The following MACF1 variants were observed in gnomAD, a reference collection of about 807,000 sequenced individuals.
MACF1 encodes the protein microtubule-actin cross-linking factor 1.
In MACF1, 193 loss-of-function variants were observed where a neutral mutation model predicts 854.8. The ratio of observed to expected loss-of-function variants is 0.23; its 90% CI spans 0.20 to 0.25. MACF1 has a LOEUF of 0.25. Ranked by LOEUF, MACF1 falls within the 10% of genes least tolerant of loss-of-function variation. MACF1 has a pLI of 1.00. For missense variants in MACF1, 7,722 were observed against 8,929.1 expected (o/e 0.86, Z 5.45); for synonymous variants, 3,185 against 3,226.7 (o/e 0.99, Z 0.44).
At chr1:39,181,166 C>T (rs542226865) in intron 2 of MACF1, among the ~76,000 whole-genome samples, 2 of 152,330 alleles carry the variant, frequency 1.3e-5, no homozygotes, top group South Asian at 4.1e-4. Flanking sequence ...CCTTGGCCTT[C>T]CAAAGTGCTG....
Position 39,388,642 on chromosome 1 carries a change from A to C in MACF1, c.15800A>C (p.Gln5267Pro). ...ACCGAAGTGGAAATCATCAACCAAC[A>C]ATTAGCAGATTTTAAAGTAAGTCTG... ...VGTEVEIINQ[Q>P]LADFKMFQKE... The change falls in exon 58 of 101, where the codon CAA (glutamine) becomes CCA (proline). Residue 5267 changes from glutamine to proline, a missense_variant. By Grantham distance (76) the Gln-to-Pro change is moderately conservative. Around this residue, in one of 15 missense-constraint regions of MACF1, gnomAD observed 2,807 missense variants for 3,235.8 expected, o/e 0.87. Coordinates refer to ENST00000564288, the MANE Select transcript of MACF1 (RefSeq NM_001394062.1). The C allele has an allele frequency of 6.4e-7, 1 of 1,570,774 alleles. No homozygotes were observed. The highest frequency in any genetic ancestry group is 8.6e-7 in the Non-Finnish European group (1 of 1,161,590).
At chr1:39,148,494 T>C (rs1426225996) in intron 2 of MACF1, among the ~76,000 whole-genome samples, 6 of 152,206 alleles carry the variant, frequency 3.9e-5, no homozygotes, top group Non-Finnish European at 8.8e-5. Flanking sequence ...GCTGTAAATA[T>C]TTTGATGTTT....
At position 39,322,944 on chromosome 1, in the gene MACF1, T is replaced by C. The variant is rs765335979; in HGVS notation, c.4172T>C (p.Val1391Ala). 1.3e-5 allele frequency: 21 copies of C among 1,614,038 alleles called. No homozygotes were observed. The African/African-American group carries it at 2.7e-4, about 21-fold the overall frequency. ...MDLRTRYTAL[V>A]TLTTQHVKYI... Reference sequence around the variant, plus strand: ...TTAAGGACTCGCTACACGGCATTGGTGACTTTAACAACTCAGCACGTGAAA... The same window carrying C: ...TTAAGGACTCGCTACACGGCATTGGCGACTTTAACAACTCAGCACGTGAAA... Residue 1391 changes from valine to alanine, a missense_variant, in exon 33 of 101, where the codon GTG becomes GCG. Around this residue, in one of 15 missense-constraint regions of MACF1, gnomAD observed 1,137 missense variants for 1,263.0 expected, o/e 0.90. Transcript: ENST00000564288.
Position 39,145,205 on chromosome 1 carries a change from G to A in MACF1, c.220+60767G>A, listed in dbSNP as rs117499179. Among the ~76,000 whole-genome samples, 1,127 of 152,160 alleles carry A rather than the reference G, an allele frequency of 7.4e-3. 10 individuals carry two copies. Among genetic ancestry groups the A allele is most frequent in the Middle Eastern group, 0.017 (5 of 294 alleles). ...CCTGAAACCTTTTTATTCTCTTCTG[G>A]TTGACTGCCATTCATTTTTTTCTGC... is the stretch of plus-strand genomic sequence containing the variant. On this transcript the variant is annotated intron_variant, in intron 2 of 93. Coordinates refer to the MACF1 transcript ENST00000361689.
chr1:39,483,181 C>T (rs762419826), intron 99 of MACF1, among the ~76,000 whole-genome samples: 1 of 150,712 alleles, frequency 6.6e-6, no homozygotes, highest in African/African-American at 2.4e-5. Flanking sequence ...AAAAAAATCA[C>T]TCAAATAGGA....
At chr1:39,128,524 G>A (rs760857782) in intron 2 of MACF1, among the ~76,000 whole-genome samples, 2 of 151,994 alleles carry the variant, frequency 1.3e-5, no homozygotes, top group South Asian at 2.1e-4. Context: ...GTGAAACCTC[G>A]TCTCTACTAA....
intron 2 of MACF1, among the ~76,000 whole-genome samples, chr1:39,113,994 C>T (rs1420370251): frequency 4.6e-5 from 7 of 151,798 alleles, no homozygotes; most frequent in African/African-American, 1.7e-4. Flanking sequence ...CCAGATTGTG[C>T]CACTGTACTC....
At chr1:39,231,321 G>A in intron 2 of MACF1, 78 bp downstream of exon 2, 1 of 1,311,414 alleles carries the variant, frequency 7.6e-7, no homozygotes, top group Non-Finnish European at 1.1e-6. Context: ...TCTTTCAGAT[G>A]GTTTAGATTG....
At chr1:39,141,871 A>G (rs1643353301) in intron 2 of MACF1, among the ~76,000 whole-genome samples, 1 of 152,218 alleles carries the variant, frequency 6.6e-6, no homozygotes, top group African/African-American at 2.4e-5. Context: ...GGAAAGTTAT[A>G]TAGTCAGAAT....
At chr1:39,133,076 C>T (rs1014848050) in intron 2 of MACF1, among the ~76,000 whole-genome samples, 1 of 152,220 alleles carries the variant, frequency 6.6e-6, no homozygotes, top group Non-Finnish European at 1.5e-5. Context: ...GGGGAAGTGA[C>T]ACCACCCTTG....
intron 2 of MACF1, chr1:39,102,817 A>G: frequency 1.4e-6 from 1 of 702,626 alleles, no homozygotes; most frequent in Non-Finnish European, 2.6e-6. Context: ...AGAAAGCCTC[A>G]GAGCTTTTGC....
Position 39,437,844 on chromosome 1 carries a change from C to T in MACF1, c.18056C>T (p.Pro6019Leu). Residue 6019 changes from proline (P) to leucine (L), a missense_variant, in exon 71 of 101, where the codon CCA becomes CTA. By Grantham distance (98) the Pro-to-Leu change is moderately conservative. Around this residue, in one of 15 missense-constraint regions of MACF1, gnomAD observed 2,807 missense variants for 3,235.8 expected, o/e 0.87. Coordinates refer to ENST00000564288, the MANE Select transcript of MACF1 (RefSeq NM_001394062.1). ...CTTTCCTCTCGCCTGCGTATGCCAC[C>T]ACTGATCCCTGCTGAAGTAGACAAG... is the stretch of plus-strand genomic sequence containing the variant. ...ENLSSRLRMP[P>L]LIPAEVDKIR... The T allele has an allele frequency of 6.2e-7, 1 of 1,614,084 alleles. No individual in the cohort carries two copies. The highest frequency in any genetic ancestry group is 8.5e-7 in the Non-Finnish European group (1 of 1,180,004).
At chr1:39,313,829 G>A (rs1019193183) in intron 26 of MACF1, among the ~76,000 whole-genome samples, 2 of 151,782 alleles carry the variant, frequency 1.3e-5, no homozygotes, top group African/African-American at 4.8e-5. Flanking sequence ...TACCCAGGCT[G>A]GTCTCCAACT....
At chr1:39,377,893 G>C (rs1198966723) in intron 52 of MACF1, among the ~76,000 whole-genome samples, 2 of 151,820 alleles carry the variant, frequency 1.3e-5, no homozygotes, top group Non-Finnish European at 2.9e-5. Context: ...AATCCCAGCT[G>C]TTTGAGAGGC....
At chr1:39,260,998 C>T (rs1250209990) in intron 6 of MACF1, among the ~76,000 whole-genome samples, 1 of 152,076 alleles carries the variant, frequency 6.6e-6, no homozygotes, top group Non-Finnish European at 1.5e-5. Context: ...ACTTTGAAGT[C>T]ACTTGAAATA....
At chr1:39,477,564 G>A (rs1365267310) in intron 97 of MACF1, among the ~76,000 whole-genome samples, 2 of 152,016 alleles carry the variant, frequency 1.3e-5, no homozygotes, top group South Asian at 2.1e-4. Flanking sequence ...GAGGTTGTCA[G>A]TGACCTTTGC....
chr1:39,248,429 T>G (rs1035061247), intron 2 of MACF1, among the ~76,000 whole-genome samples: 4 of 152,062 alleles, frequency 2.6e-5, no homozygotes, highest in Non-Finnish European at 5.9e-5. Context: ...AGCCTTAAAC[T>G]CCTGGGCTAA....
chr1:39,382,658 G>A (rs1276114159), intron 56 of MACF1, among the ~76,000 whole-genome samples: 2 of 150,354 alleles, frequency 1.3e-5, no homozygotes, highest in African/African-American at 4.9e-5. Context: ...GTCCTGTCCG[G>A]ACAGTAGAGC....
chr1:39,362,046 C>G (rs981085867), intron 49 of MACF1, among the ~76,000 whole-genome samples: 1 of 152,154 alleles, frequency 6.6e-6, no homozygotes, highest in Non-Finnish European at 1.5e-5. Context: ...GCACTTTCCA[C>G]AAAACCACCT....
Sources: allele counts gnomAD v4.1 joint callset (sites outside exome capture counted in the v4.1 genomes callset), GRCh38; gene constraint gnomAD v4.1.1; regional missense constraint gnomAD v4.1.1; transcripts MANE v1.5; gene names NCBI Gene and HGNC (gene_info 2026-07-23, HGNC 2026-07-21).